SPATS2: variants seen among roughly 807,000 people sequenced by gnomAD.
SPATS2 encodes the protein spermatogenesis-associated serine-rich protein 2.
In SPATS2, 38 loss-of-function variants were observed where a neutral mutation model predicts 63.7. The ratio of observed to expected loss-of-function variants is 0.60; its 90% CI spans 0.46 to 0.78. The LOEUF (loss-of-function observed/expected upper bound fraction) is 0.78, where lower values mean the gene tolerates loss of function less well. Among genes scored for constraint, SPATS2 ranks in the 30% least tolerant of loss-of-function variants. The probability of loss-of-function intolerance (pLI) is 0.00; values close to 1 mark genes in which losing one functional copy is unlikely to be tolerated. For missense variants in SPATS2, 588 were observed against 666.2 expected (o/e 0.88, Z 1.29); for synonymous variants, 207 against 232.9 (o/e 0.89, Z 1.01).
intron 3 of SPATS2, among the ~76,000 whole-genome samples, chr12:49,461,951 C>G (rs1427521077): frequency 6.6e-6 from 1 of 151,780 alleles, no homozygotes; most frequent in East Asian, 1.9e-4. Context: ...TTTTAATAAC[C>G]CAAGTTTGTT....
chr12:49,387,638 C>CAAAAA (rs35910147), intron 2 of SPATS2, among the ~76,000 whole-genome samples: 5 of 66,168 alleles, frequency 7.6e-5, no homozygotes, highest in Admixed American at 3.8e-4. Context: ...GACTCTGTCT[C>CAAAAA]AAAAAAAAAA....
chr12:49,511,883 TTTA>T (rs1946759634), intron 9 of SPATS2, among the ~76,000 whole-genome samples: 1 of 152,236 alleles, frequency 6.6e-6, no homozygotes, highest in Admixed American at 6.5e-5. Flanking sequence ...TCACTAACTT[TTTA>T]TTATTAAAAC....
At chr12:49,390,770 A>G (rs1944405066) in intron 2 of SPATS2, among the ~76,000 whole-genome samples, 1 of 152,222 alleles carries the variant, frequency 6.6e-6, no homozygotes, top group South Asian at 2.1e-4. Context: ...ACAATTGTCC[A>G]TAACTTGTTT....
intron 2 of SPATS2, among the ~76,000 whole-genome samples, chr12:49,373,177 T>G (rs1412639130): frequency 6.6e-6 from 1 of 152,162 alleles, no homozygotes; most frequent in African/African-American, 2.4e-5. Flanking sequence ...TTTCTTCATG[T>G]TGGTCAGGCT....
intron 2 of SPATS2, chr12:49,387,042 G>T (rs909073065): frequency 2.0e-5 from 3 of 152,170 alleles, no homozygotes; most frequent in Non-Finnish European, 4.4e-5. Context: ...GTAAGGTTTT[G>T]TGTTTTTTTA....
intron 2 of SPATS2, among the ~76,000 whole-genome samples, chr12:49,379,383 T>TA (rs1367590657): frequency 2.7e-5 from 4 of 148,074 alleles, no homozygotes; most frequent in Admixed American, 6.7e-5. Context: ...CCGTCTCTAC[T>TA]AAAAATACAA....
intron 9 of SPATS2, among the ~76,000 whole-genome samples, chr12:49,504,665 A>G (rs1422807900): frequency 2.6e-5 from 4 of 151,874 alleles, no homozygotes; most frequent in Admixed American, 2.0e-4. Flanking sequence ...TATATCACAG[A>G]AAGTCATGTA....
intron 2 of SPATS2, among the ~76,000 whole-genome samples, chr12:49,435,568 C>T (rs1225499822): frequency 5.3e-5 from 8 of 151,444 alleles, no homozygotes; most frequent in African/African-American, 1.2e-4. Context: ...TCAAGTGATC[C>T]GCCCGCCTCA....
chr12:49,417,985 T>C (rs925334203), intron 2 of SPATS2, among the ~76,000 whole-genome samples: 2 of 152,098 alleles, frequency 1.3e-5, no homozygotes, highest in African/African-American at 4.8e-5. Flanking sequence ...GCTTATGCCA[T>C]CCTCCCACTT....
chr12:49,413,495 G>T (rs147613346), intron 2 of SPATS2, among the ~76,000 whole-genome samples: 2,744 of 152,122 alleles, frequency 0.018, 43 homozygotes, highest in Non-Finnish European at 0.029. Flanking sequence ...AAAGTACTGG[G>T]ATTATAGGTG....
At chr12:49,380,456 A>G (rs1388305532) in intron 2 of SPATS2, among the ~76,000 whole-genome samples, 1 of 152,168 alleles carries the variant, frequency 6.6e-6, no homozygotes, top group Non-Finnish European at 1.5e-5. Context: ...CTGTAATCTC[A>G]GCACTTTGGG....
In SPATS2 at chr12:49,410,136, T is replaced by C. The variant is rs151204974; in HGVS notation, c.-244+38846T>C. Among the ~76,000 whole-genome samples the C allele has an allele frequency of 8.4e-4, 127 of 152,054 alleles. 3 individuals carry two copies. In the East Asian group the frequency reaches 0.022, roughly 27 times the overall value. On this transcript the variant is annotated intron_variant, in intron 2 of 13. Coordinates refer to ENST00000552918, the MANE Select transcript of SPATS2 (RefSeq NM_023071.4). ...TGTCGCCCAGGCTGGAGTGCAATGG[T>C]GCAGTCTTGGCTCACTGCAGCCTCT...
intron 2 of SPATS2, among the ~76,000 whole-genome samples, chr12:49,418,108 GTTTT>G (rs760281633): frequency 6.6e-5 from 5 of 76,050 alleles, no homozygotes; most frequent in African/African-American, 2.6e-4. Context: ...AAATGACTCA[GTTTT>G]TTTTTTTTTT....
At chr12:49,436,764 C>T (rs1945306042) in intron 2 of SPATS2, among the ~76,000 whole-genome samples, 2 of 143,432 alleles carry the variant, frequency 1.4e-5, no homozygotes, top group Non-Finnish European at 3.1e-5. Flanking sequence ...CCGGACAGGG[C>T]GGCTGGCCGG....
In SPATS2 at chr12:49,434,949, A is replaced by G. The variant is rs565092922; in HGVS notation, c.-243-25821A>G. Reference sequence around the variant, plus strand: ...ACATTTCAGGTTTTAATTTAATACAATATGGTATTTAATTAATATAATATA... The same window carrying G: ...ACATTTCAGGTTTTAATTTAATACAGTATGGTATTTAATTAATATAATATA... On this transcript the variant is annotated intron_variant, in intron 2 of 13. Transcript: ENST00000552918. Among the ~76,000 whole-genome samples, 43 of 152,074 alleles carry G rather than the reference A, an allele frequency of 2.8e-4. No individual in the cohort carries two copies. The East Asian group carries it at 7.9e-3, about 28-fold the overall frequency.
At chr12:49,524,634 T>C (rs2138102675) in intron 12 of SPATS2, 48 bp from the exon 13 acceptor site, 1 of 1,572,390 alleles carries the variant, frequency 6.4e-7, no homozygotes, top group Non-Finnish European at 8.7e-7. Context: ...CCTTATCCAT[T>C]GTGCTGTTCT....
At chr12:49,468,459 C>CT (rs543142181) in intron 3 of SPATS2, among the ~76,000 whole-genome samples, 3,353 of 149,702 alleles carry the variant, frequency 0.022, 117 homozygotes, top group African/African-American at 0.078. Context: ...TGTGCCCGGC[C>CT]TTTTTTTTTG....
intron 2 of SPATS2, among the ~76,000 whole-genome samples, chr12:49,421,024 C>T (rs1202261255): frequency 2.6e-5 from 4 of 152,084 alleles, no homozygotes; most frequent in Non-Finnish European, 5.9e-5. Context: ...AAAAAGAATG[C>T]TTGAAATTAA....
At chr12:49,467,433 TG>T (rs1489275386) in intron 3 of SPATS2, among the ~76,000 whole-genome samples, 1 of 152,098 alleles carries the variant, frequency 6.6e-6, no homozygotes, top group Non-Finnish European at 1.5e-5. Context: ...AAAGCAGACT[TG>T]GGGAGTAATT....
Sources: gnomAD v4.1 joint callset for allele counts (sites outside exome capture counted in the v4.1 genomes callset) on GRCh38, gnomAD v4.1.1 for gene constraint, MANE v1.5 for transcripts, NCBI Gene and HGNC (gene_info 2026-07-23, HGNC 2026-07-21) for gene names.